The following ARHGEF33 variants were observed in gnomAD, a reference collection of about 807,000 sequenced individuals.
ARHGEF33 encodes the protein Rho guanine nucleotide exchange factor 33, also known as DH and coiled-coil domain-containing protein ENSP00000381780.
ARHGEF33 carries 72 observed loss-of-function variants against 101.9 expected under a neutral mutation model. The observed-to-expected ratio is 0.71, with a 90% CI of 0.58 to 0.86. The LOEUF (loss-of-function observed/expected upper bound fraction) is 0.86, where lower values mean the gene tolerates loss of function less well. Ranked by LOEUF, ARHGEF33 falls within the 40% of genes least tolerant of loss-of-function variation. The probability of loss-of-function intolerance (pLI) is 0.00; values close to 1 mark genes in which losing one functional copy is unlikely to be tolerated. For missense variants in ARHGEF33, 1,169 were observed against 1,111.3 expected (o/e 1.05, Z -0.74); for synonymous variants, 499 against 442.5 (o/e 1.13, Z -1.60).
At chr2:38,892,871 A>T (rs1034825551) in intron 1 of ARHGEF33, among the ~76,000 whole-genome samples, 3 of 151,938 alleles carry the variant, frequency 2.0e-5, no homozygotes, top group African/African-American at 7.3e-5. Context: ...ATTATCTTTT[A>T]CTTGAGTTAT....
rs1457795738 is a variant in ARHGEF33, at chr2:38,960,103, G to A, written c.1798G>A (p.Glu600Lys). The A allele has an allele frequency of 1.2e-5, 19 of 1,541,966 alleles. No homozygotes were observed. The Admixed American group carries it at 2.2e-4, about 18-fold the overall frequency. ...GGAGCGCTCCCTGCGCGCCCCGGCCGAGCTCCTGCCCGATGCCCGCGGCTT... is the reference window on the plus strand; with the variant it reads ...GGAGCGCTCCCTGCGCGCCCCGGCCAAGCTCCTGCCCGATGCCCGCGGCTT... ...NVERSLRAPA[E>K]LLPDARGFVP... Residue 600 changes from glutamate to lysine, a missense_variant, in exon 16 of 18, where the codon GAG (glutamate) becomes AAG (lysine). Coordinates refer to ENST00000409978, the MANE Select transcript of ARHGEF33 (RefSeq NM_001145451.5).
intron 10 of ARHGEF33, among the ~76,000 whole-genome samples, chr2:38,946,007 T>G (rs746375778): frequency 6.6e-6 from 1 of 152,202 alleles, no homozygotes; most frequent in Non-Finnish European, 1.5e-5. Context: ...AACTGCAATG[T>G]GTAAAGTTTC....
intron 16 of ARHGEF33, 89 bp downstream of exon 16, chr2:38,960,737 G>A (rs1667911829): frequency 2.8e-6 from 3 of 1,073,366 alleles, no homozygotes; most frequent in Non-Finnish European, 3.5e-6. Flanking sequence ...AGCGTGGAGA[G>A]GAGCGGGGCC....
At chr2:38,907,525 C>G (rs1376440888) in intron 2 of ARHGEF33, among the ~76,000 whole-genome samples, 1 of 152,212 alleles carries the variant, frequency 6.6e-6, no homozygotes, top group African/African-American at 2.4e-5. Context: ...TTACAATGTA[C>G]TACTAACTCA....
At chr2:38,911,422 C>T (rs1666506912) in intron 2 of ARHGEF33, among the ~76,000 whole-genome samples, 1 of 152,154 alleles carries the variant, frequency 6.6e-6, no homozygotes, top group Non-Finnish European at 1.5e-5. Context: ...CCCCAAAGTG[C>T]CAAACTTTCC....
At chr2:38,901,834 G>C (rs1378912630) in intron 2 of ARHGEF33, among the ~76,000 whole-genome samples, 1 of 152,250 alleles carries the variant, frequency 6.6e-6, no homozygotes, top group Non-Finnish European at 1.5e-5. Context: ...ACTAGCATGA[G>C]GCCGGGCACG....
chr2:38,909,675 G>C (rs1224793559), intron 2 of ARHGEF33, among the ~76,000 whole-genome samples: 1 of 144,152 alleles, frequency 6.9e-6, no homozygotes, highest in Non-Finnish European at 1.5e-5. Context: ...TATTACCTTT[G>C]CCACTTTAAA....
At chr2:38,945,397 G>T (rs1271713918) in intron 10 of ARHGEF33, among the ~76,000 whole-genome samples, 1 of 152,232 alleles carries the variant, frequency 6.6e-6, no homozygotes, top group African/African-American at 2.4e-5. Context: ...CTACAAAACA[G>T]AGGTAAACCA....
At chr2:38,956,707 T>A (rs768686159) in intron 13 of ARHGEF33, among the ~76,000 whole-genome samples, 192 bp from the exon 14 acceptor site, 1 of 152,262 alleles carries the variant, frequency 6.6e-6, no homozygotes, top group Non-Finnish European at 1.5e-5. Flanking sequence ...AGTGACTTAT[T>A]TTCCGTTGGT....
intron 2 of ARHGEF33, among the ~76,000 whole-genome samples, chr2:38,910,914 T>C (rs973579846): frequency 1.3e-5 from 2 of 152,176 alleles, no homozygotes; most frequent in African/African-American, 4.8e-5. Flanking sequence ...TAGAGAAACA[T>C]AGAAAGACTA....
At chr2:38,906,345 C>T (rs1480743632) in intron 2 of ARHGEF33, among the ~76,000 whole-genome samples, 1 of 152,018 alleles carries the variant, frequency 6.6e-6, no homozygotes, top group Non-Finnish European at 1.5e-5. Context: ...TTGTTCCAAA[C>T]AAGGAAATTG....
chr2:38,956,206 T>C (rs995020204), intron 13 of ARHGEF33, among the ~76,000 whole-genome samples: 3 of 152,190 alleles, frequency 2.0e-5, no homozygotes, highest in South Asian at 4.1e-4. Context: ...AAACAAGCCC[T>C]GGTTCTACTC....
At position 38,930,929 on chromosome 2, in the gene ARHGEF33, G is replaced by T. The variant is rs545677244; in HGVS notation, c.363-180G>T. Among the ~76,000 whole-genome samples the T allele has an allele frequency of 2.6e-5, 4 of 152,302 alleles. No individual in the cohort carries two copies. In the South Asian group the frequency reaches 8.3e-4, roughly 32 times the overall value. On this transcript the variant is annotated intron_variant, in intron 6 of 17. Coordinates refer to ENST00000409978, the MANE Select transcript of ARHGEF33 (RefSeq NM_001145451.5). Reference sequence around the variant, plus strand: ...AAGTTTTTTCTCCAGCTGAGGTAATGAATTAAGTTGAACCATATGAATTGC... The same window carrying T: ...AAGTTTTTTCTCCAGCTGAGGTAATTAATTAAGTTGAACCATATGAATTGC...
chr2:38,918,559 C>T (rs1666686242), intron 2 of ARHGEF33, among the ~76,000 whole-genome samples: 1 of 152,182 alleles, frequency 6.6e-6, no homozygotes, highest in South Asian at 2.1e-4. Flanking sequence ...TGTTAGGCTG[C>T]ATTCTGACCT....
chr2:38,937,296 G>A (rs1247780408), intron 8 of ARHGEF33, 39 bp from the exon 9 acceptor site: 3 of 881,750 alleles, frequency 3.4e-6, no homozygotes, highest in Non-Finnish European at 5.4e-6. Flanking sequence ...TTTGATAGCA[G>A]TTTTCTTTGT....
intron 17 of ARHGEF33, among the ~76,000 whole-genome samples, chr2:38,971,517 C>T (rs1330304182): frequency 6.6e-6 from 1 of 152,162 alleles, no homozygotes; most frequent in Non-Finnish European, 1.5e-5. Flanking sequence ...CTTGATCCTG[C>T]AGGTTATTTC....
chr2:38,944,910 T>C lies in ARHGEF33; in HGVS notation c.920+880T>C, dbSNP rs1000424165. 1.1e-3 allele frequency among the ~76,000 whole-genome samples: 141 copies of C among 130,302 alleles called. 1 individual carries two copies. The highest frequency in any genetic ancestry group is 3.4e-3 in the African/African-American group (125 of 36,724). 85.5% of individuals were successfully genotyped at this position (130,302 alleles called of 152,430 possible). ...GTGTGTGTGTGTGTGTGCGCGCTCATAGGGTCTGCCACCTGTTGTAACAGC... is the reference window on the plus strand; with the variant it reads ...GTGTGTGTGTGTGTGTGCGCGCTCACAGGGTCTGCCACCTGTTGTAACAGC... On this transcript the variant is annotated intron_variant, in intron 10 of 17. Transcript: ENST00000409978.
chr2:38,929,598 A>T, intron 5 of ARHGEF33, 111 bp from the exon 6 acceptor site: 1 of 833,894 alleles, frequency 1.2e-6, no homozygotes. Context: ...TCTCTCATTC[A>T]TTCATTCATT....
At chr2:38,968,472 A>G (rs1190204685) in intron 17 of ARHGEF33, among the ~76,000 whole-genome samples, 2 of 152,214 alleles carry the variant, frequency 1.3e-5, no homozygotes, top group Admixed American at 6.5e-5. Context: ...CCTAGCATGT[A>G]GAAGACCAGG....
Sources: allele counts gnomAD v4.1 joint callset (sites outside exome capture counted in the v4.1 genomes callset), GRCh38; gene constraint gnomAD v4.1.1; transcripts MANE v1.5; gene names NCBI Gene and HGNC (gene_info 2026-07-23, HGNC 2026-07-21).